Variants in ADAM12 observed in about 807,000 individuals in gnomAD.
The protein encoded by ADAM12 is disintegrin and metalloproteinase domain-containing protein 12.
Under a neutral mutation model 106.4 loss-of-function variants are expected in ADAM12, and 70 were observed. The ratio of observed to expected loss-of-function variants is 0.66; its 90% CI spans 0.54 to 0.80. The LOEUF (loss-of-function observed/expected upper bound fraction) is 0.80, where lower values mean the gene tolerates loss of function less well. Among genes scored for constraint, ADAM12 ranks in the 30% least tolerant of loss-of-function variants. The pLI, the probability that ADAM12 is intolerant of heterozygous loss-of-function variation, is 0.00. For missense variants in ADAM12, 1,010 were observed against 1,171.9 expected (o/e 0.86, Z 2.02); for synonymous variants, 420 against 433.5 (o/e 0.97, Z 0.39).
At chr10:126,185,808 G>T (rs1030587641) in intron 3 of ADAM12, among the ~76,000 whole-genome samples, 25 of 152,106 alleles carry the variant, frequency 1.6e-4, no homozygotes, top group African/African-American at 6.0e-4. Flanking sequence ...GACTGTCTCA[G>T]GAAACAGACC....
intron 21 of ADAM12, among the ~76,000 whole-genome samples, chr10:126,031,094 G>A (rs1356822292): frequency 6.6e-6 from 1 of 152,176 alleles, no homozygotes; most frequent in African/African-American, 2.4e-5. Flanking sequence ...GGACTGTGGA[G>A]AGGTCTTAGG....
intron 1 of ADAM12, among the ~76,000 whole-genome samples, chr10:126,384,341 G>A (rs1856587351): frequency 6.6e-6 from 1 of 152,124 alleles, no homozygotes; most frequent in South Asian, 2.1e-4. Context: ...ATCAAAAAAA[G>A]TTGTATCTTC....
In ADAM12 at chr10:126,049,853, G is replaced by C. The variant is rs111870785; in HGVS notation, c.1610-184C>G. Among the ~76,000 whole-genome samples the C allele has an allele frequency of 5.4e-3, 823 of 152,196 alleles. 11 individuals carry two copies. Among genetic ancestry groups the C allele is most frequent in the African/African-American group, 0.019 (789 of 41,518 alleles). On this transcript the variant is annotated intron_variant, in intron 14 of 22. Coordinates refer to ENST00000448723, the MANE Select transcript of ADAM12 (RefSeq NM_001288973.2). This position sits in a 1 kb window ranked among gnomAD's most constrained non-coding sequence, Gnocchi z 4.4. ...GTGTCAGCAGCTCGCATCCTCTCTT[G>C]ACTCGGCCTCTGGCAGAGCACATGT...
At chr10:126,149,257 T>C (rs1333421142) in intron 4 of ADAM12, among the ~76,000 whole-genome samples, 1 of 152,208 alleles carries the variant, frequency 6.6e-6, no homozygotes, top group Non-Finnish European at 1.5e-5. Flanking sequence ...ATCAACGCCC[T>C]GGAGCCCTTC....
chr10:126,178,354 C>T (rs566757656), intron 3 of ADAM12, among the ~76,000 whole-genome samples: 2 of 149,434 alleles, frequency 1.3e-5, no homozygotes, highest in South Asian at 2.1e-4. Context: ...GTAGGAAAAT[C>T]GAGAAATACT....
At chr10:126,310,683 C>T (rs1590762813) in intron 2 of ADAM12, among the ~76,000 whole-genome samples, 1 of 152,164 alleles carries the variant, frequency 6.6e-6, no homozygotes, top group Non-Finnish European at 1.5e-5. Context: ...TATGTAAATA[C>T]CATCATATTG....
intron 4 of ADAM12, among the ~76,000 whole-genome samples, chr10:126,154,062 C>T (rs898404376): frequency 1.3e-5 from 2 of 152,214 alleles, no homozygotes; most frequent in African/African-American, 2.4e-5. Context: ...AAGCAGCTCT[C>T]CTGGGGATCT....
chr10:126,135,507 A>T, intron 5 of ADAM12, 77 bp downstream of exon 5: 1 of 1,417,452 alleles, frequency 7.1e-7, no homozygotes, highest in Non-Finnish European at 9.9e-7. Flanking sequence ...TCAGTGCTTT[A>T]GCACGAGCAG....
intron 1 of ADAM12, among the ~76,000 whole-genome samples, chr10:126,366,062 A>T (rs933962669): frequency 6.6e-6 from 1 of 152,206 alleles, no homozygotes; most frequent in African/African-American, 2.4e-5. Context: ...AATTAAGCAT[A>T]CAGTCCAAGT....
At chr10:126,086,279 A>G (rs1185789841) in intron 11 of ADAM12, among the ~76,000 whole-genome samples, 1 of 152,080 alleles carries the variant, frequency 6.6e-6, no homozygotes, top group East Asian at 1.9e-4. Flanking sequence ...CCATGTGTCA[A>G]ACACACTGGG....
At chr10:126,042,379 G>A in intron 18 of ADAM12, 1 of 1,105,192 alleles carries the variant, frequency 9.0e-7, no homozygotes, top group Non-Finnish European at 1.3e-6. Flanking sequence ...CTGCTACTAA[G>A]AGCTTCTTGG....
chr10:126,075,753 C>G (rs551780256), intron 11 of ADAM12, among the ~76,000 whole-genome samples: 71 of 152,184 alleles, frequency 4.7e-4, no homozygotes, highest in African/African-American at 1.7e-3. Flanking sequence ...GGGAAACAGT[C>G]TGCTCTTCCT....
intron 3 of ADAM12, among the ~76,000 whole-genome samples, chr10:126,203,946 G>C (rs1261752900): frequency 5.3e-5 from 8 of 151,914 alleles, no homozygotes. Context: ...GCGCGTGTGT[G>C]TGTGTGTGTG....
intron 3 of ADAM12, among the ~76,000 whole-genome samples, chr10:126,267,272 C>T (rs1222104332): frequency 6.6e-6 from 1 of 152,142 alleles, no homozygotes; most frequent in African/African-American, 2.4e-5. Flanking sequence ...GCACCTGAGA[C>T]CGGTTTCATG....
At chr10:126,348,906 TTATCTGAAATTCA>T (rs1396636707) in intron 1 of ADAM12, among the ~76,000 whole-genome samples, 1 of 152,216 alleles carries the variant, frequency 6.6e-6, no homozygotes, top group Non-Finnish European at 1.5e-5. Context: ...AATTCGTTGT[TTATCTGAAATTCA>T]GATTCAACTG....
intron 3 of ADAM12, among the ~76,000 whole-genome samples, chr10:126,186,484 G>A (rs967131161): frequency 6.6e-6 from 1 of 152,164 alleles, no homozygotes; most frequent in Non-Finnish European, 1.5e-5. Flanking sequence ...GAGTCCCAGG[G>A]AAAAGTTCAG....
intron 1 of ADAM12, among the ~76,000 whole-genome samples, chr10:126,351,548 C>A (rs966300660): frequency 6.6e-6 from 1 of 152,236 alleles, no homozygotes; most frequent in Admixed American, 6.5e-5. Context: ...CTCCTTGCGA[C>A]AGAGACTGCC....
chr10:126,022,128 T>A (rs1953778824), intron 21 of ADAM12, among the ~76,000 whole-genome samples: 1 of 152,226 alleles, frequency 6.6e-6, no homozygotes, highest in South Asian at 2.1e-4. Flanking sequence ...ATATTTGGAT[T>A]TATCATGGAA....
intron 2 of ADAM12, among the ~76,000 whole-genome samples, chr10:126,307,809 T>C (rs915069225): frequency 6.6e-6 from 1 of 152,200 alleles, no homozygotes; most frequent in African/African-American, 2.4e-5. Context: ...GCCAGGCTGG[T>C]CTCAAACTTC....
Sources: gnomAD v4.1 joint callset for allele counts (sites outside exome capture counted in the v4.1 genomes callset) on GRCh38, gnomAD v4.1.1 for gene constraint, Gnocchi (gnomAD v3.1) non-coding constraint, MANE v1.5 for transcripts, NCBI Gene and HGNC (gene_info 2026-07-23, HGNC 2026-07-21) for gene names.